RASAL2: variants seen among roughly 807,000 people sequenced by gnomAD.
RASAL2 encodes RAS protein activator like 2.
A neutral mutation model predicts 128.9 loss-of-function variants in RASAL2; 58 were observed. The ratio of observed to expected loss-of-function variants is 0.45; its 90% CI spans 0.36 to 0.56. RASAL2 has a LOEUF of 0.56. Ranked by LOEUF, RASAL2 falls within the 20% of genes least tolerant of loss-of-function variation. The pLI, the probability that RASAL2 is intolerant of heterozygous loss-of-function variation, is 0.00. For synonymous variants in RASAL2, 561 were observed against 580.8 expected, an observed-to-expected ratio of 0.97 and a Z score of 0.49; for missense variants, 1,360 against 1,601.6, an observed-to-expected ratio of 0.85 and a Z score of 2.57.
intron 3 of RASAL2, chr1:178,389,295 A>G: frequency 1.0e-6 from 1 of 979,232 alleles, no homozygotes; most frequent in Non-Finnish European, 1.2e-6. Flanking sequence ...GATGGGAAGC[A>G]GTTGTGATAA....
At position 178,463,288 on chromosome 1, in the gene RASAL2, A is replaced by G. The variant is rs143462618; in HGVS notation, c.3253-990A>G. ...CTCTCTGAGGCAGGACAGAGGGGAA[A>G]AAAATTGTGTGTTTCCATCATTGTT... On this transcript the variant is annotated intron_variant, in intron 14 of 17. Coordinates refer to ENST00000367649, the MANE Select transcript of RASAL2 (RefSeq NM_170692.4). 7.9e-5 allele frequency among the ~76,000 whole-genome samples: 12 copies of G among 152,320 alleles called. No homozygotes were observed. In the East Asian group the frequency reaches 2.3e-3, roughly 29 times the overall value.
intron 13 of RASAL2, 32 bp from the exon 14 acceptor site, chr1:178,457,651 A>G (rs776673224): frequency 6.3e-7 from 1 of 1,592,838 alleles, no homozygotes; most frequent in Non-Finnish European, 8.6e-7. Context: ...AGTTGTCTCA[A>G]GAGAAATTAA....
At chr1:178,412,788 A>G (rs1674481841) in intron 4 of RASAL2, among the ~76,000 whole-genome samples, 2 of 152,178 alleles carry the variant, frequency 1.3e-5, no homozygotes, top group Non-Finnish European at 2.9e-5. Flanking sequence ...AGTTTGAGAG[A>G]TAAAAACTGT....
intron 1 of RASAL2, among the ~76,000 whole-genome samples, chr1:178,250,455 A>G (rs1301097268): frequency 2.0e-5 from 3 of 152,248 alleles, no homozygotes; most frequent in Non-Finnish European, 4.4e-5. Flanking sequence ...GGTCGACTTC[A>G]GACTGCTGTC....
chr1:178,332,827 C>A (rs1490244519), intron 3 of RASAL2, among the ~76,000 whole-genome samples: 1 of 151,710 alleles, frequency 6.6e-6, no homozygotes, highest in African/African-American at 2.4e-5. Context: ...TGGTCTCGAT[C>A]TCCTGACCTC....
intron 17 of RASAL2, among the ~76,000 whole-genome samples, chr1:178,470,359 A>G (rs1648136260): frequency 6.6e-6 from 1 of 152,150 alleles, no homozygotes; most frequent in Non-Finnish European, 1.5e-5. Context: ...TTTTTGAGTC[A>G]TTTCATGCTA....
intron 3 of RASAL2, among the ~76,000 whole-genome samples, chr1:178,314,229 C>A (rs191978278): frequency 2.8e-4 from 42 of 152,224 alleles, no homozygotes; most frequent in African/African-American, 9.1e-4. Context: ...AGTTTTTATA[C>A]CTAGGTTAGG....
chr1:178,325,597 G>C (rs559504068), intron 3 of RASAL2, among the ~76,000 whole-genome samples: 30 of 152,258 alleles, frequency 2.0e-4, no homozygotes, highest in Middle Eastern at 3.4e-3. Context: ...CATTAGCAGT[G>C]CATATAACAG....
rs565838559 is a variant in RASAL2, at chr1:178,463,668, T to G, written c.3253-610T>G. ...TAACCAGCATCACTTGTCCTTCTTT[T>G]TCTCTAAATCAATAATATGAAAACT... On this transcript the variant is annotated intron_variant, in intron 14 of 17. Coordinates refer to ENST00000367649, the MANE Select transcript of RASAL2 (RefSeq NM_170692.4). Among the ~76,000 whole-genome samples, 7 of 152,302 alleles carry G rather than the reference T, an allele frequency of 4.6e-5. No individual in the cohort carries two copies. In the South Asian group the frequency reaches 1.2e-3, roughly 27 times the overall value.
rs189703549 is a variant in RASAL2, at chr1:178,208,115, C to A, written c.203-75449C>A. Among the ~76,000 whole-genome samples, 178 of 152,246 alleles carry A rather than the reference C, an allele frequency of 1.2e-3. 2 individuals are homozygous for A. Among genetic ancestry groups the A allele is most frequent in the South Asian group, 0.011 (52 of 4,832 alleles). ...TGATTATTGTGTTAACTGTACAAAT[C>A]GATTGTAAAATGTGTGTTTGAACAA... On this transcript the variant is annotated intron_variant, in intron 1 of 17. Coordinates refer to ENST00000367649, the MANE Select transcript of RASAL2 (RefSeq NM_170692.4).
intron 1 of RASAL2, among the ~76,000 whole-genome samples, chr1:178,129,534 T>C (rs1052765318): frequency 1.3e-5 from 2 of 152,138 alleles, no homozygotes; most frequent in Admixed American, 6.5e-5. Context: ...TTTCTTTTAG[T>C]GTGTGGCCTG....
intron 1 of RASAL2, among the ~76,000 whole-genome samples, chr1:178,274,011 C>T (rs1362706559): frequency 1.3e-5 from 2 of 152,080 alleles, no homozygotes; most frequent in East Asian, 1.9e-4. Flanking sequence ...GTAAGCTCAG[C>T]GATTTGTGAT....
intron 6 of RASAL2, among the ~76,000 whole-genome samples, chr1:178,439,833 A>G (rs1476769872): frequency 1.3e-5 from 2 of 152,218 alleles, no homozygotes; most frequent in Admixed American, 6.6e-5. Flanking sequence ...GTACATTTTC[A>G]TCAGGGGACA....
chr1:178,326,732 TG>T (rs1669057526), intron 3 of RASAL2, among the ~76,000 whole-genome samples: 1 of 152,126 alleles, frequency 6.6e-6, no homozygotes, highest in African/African-American at 2.4e-5. Flanking sequence ...TTAGTAGAGA[TG>T]GGGTTTCTCC....
chr1:178,345,383 T>A (rs1670097560), intron 3 of RASAL2, among the ~76,000 whole-genome samples: 1 of 152,098 alleles, frequency 6.6e-6, no homozygotes, highest in South Asian at 2.1e-4. Flanking sequence ...CAGGTGTCGT[T>A]CAGGATCAAG....
intron 1 of RASAL2, among the ~76,000 whole-genome samples, chr1:178,155,278 C>G (rs1314151079): frequency 6.6e-6 from 1 of 152,064 alleles, no homozygotes; most frequent in Non-Finnish European, 1.5e-5. Context: ...TCATTCTGAT[C>G]TAGACTACTC....
intron 3 of RASAL2, among the ~76,000 whole-genome samples, chr1:178,308,115 A>T (rs16852660): frequency 6.6e-6 from 1 of 152,038 alleles, no homozygotes; most frequent in Non-Finnish European, 1.5e-5. Context: ...TTTTATAAAA[A>T]CTGTGCCTGT....
At chr1:178,317,738 A>C (rs1448528086) in intron 3 of RASAL2, among the ~76,000 whole-genome samples, 4 of 148,200 alleles carry the variant, frequency 2.7e-5, no homozygotes, top group African/African-American at 9.9e-5. Flanking sequence ...CCTTTCAAAA[A>C]ACCAGCTCCT....
At chr1:178,103,294 A>T (rs1658972860) in intron 1 of RASAL2, among the ~76,000 whole-genome samples, 1 of 152,010 alleles carries the variant, frequency 6.6e-6, no homozygotes, top group African/African-American at 2.4e-5. Flanking sequence ...ATCATAACTC[A>T]TTTAATTATT....
Sources: gnomAD v4.1 joint callset for allele counts (sites outside exome capture counted in the v4.1 genomes callset) on GRCh38, gnomAD v4.1.1 for gene constraint, MANE v1.5 for transcripts, NCBI Gene and HGNC (gene_info 2026-07-23, HGNC 2026-07-21) for gene names.